AHI1: variants seen among roughly 807,000 people sequenced by gnomAD.
AHI1 encodes jouberin.
A neutral mutation model predicts 149.3 loss-of-function variants in AHI1; 123 were observed. That is an observed-to-expected ratio of 0.82 (90% CI 0.71 to 0.96). The LOEUF (loss-of-function observed/expected upper bound fraction) is 0.96. AHI1 is among the 40% of genes least tolerant of loss of function. AHI1 has a pLI of 0.00. For missense variants in AHI1, 1,439 were observed against 1,422.7 expected, an observed-to-expected ratio of 1.01 and a Z score of -0.18; for synonymous variants, 475 against 459.8, an observed-to-expected ratio of 1.03 and a Z score of -0.42.
intron 22 of AHI1, among the ~76,000 whole-genome samples, chr6:135,400,146 C>A (rs76901151): frequency 2.0e-5 from 3 of 151,460 alleles, no homozygotes; most frequent in Admixed American, 1.3e-4. Flanking sequence ...TGGAATGCCA[C>A]GAAAAAATAA....
intron 26 of AHI1, among the ~76,000 whole-genome samples, chr6:135,315,345 T>G (rs1785781531): frequency 6.6e-6 from 1 of 152,188 alleles, no homozygotes; most frequent in African/African-American, 2.4e-5. Flanking sequence ...AGTTCTAGCT[T>G]GGTGACTCCT....
In AHI1 at chr6:135,471,054, C is replaced by G. The variant is rs565918205; in HGVS notation, c.136-3420G>C. Among the ~76,000 whole-genome samples, 8 of 152,126 alleles carry G rather than the reference C, an allele frequency of 5.3e-5. No homozygotes were observed. The East Asian group carries it at 1.5e-3, about 29-fold the overall frequency. On this transcript the variant is annotated intron_variant, in intron 5 of 28. Coordinates refer to ENST00000265602, the MANE Select transcript of AHI1 (RefSeq NM_001134831.2). ...ATGCAAATTTTTGTTTCTACTTTTTCAGTGAGTACCAATAATGTAGCACCA... is the reference window on the plus strand; with the variant it reads ...ATGCAAATTTTTGTTTCTACTTTTTGAGTGAGTACCAATAATGTAGCACCA...
At chr6:135,492,766 G>C in intron 3 of AHI1, 1 of 985,276 alleles carries the variant, frequency 1.0e-6, no homozygotes, top group Non-Finnish European at 1.2e-6. Context: ...CTACAATAGA[G>C]AAGGATAGTA....
chr6:135,488,599 CT>C (rs888692122), intron 5 of AHI1, among the ~76,000 whole-genome samples: 1 of 152,164 alleles, frequency 6.6e-6, no homozygotes, highest in Non-Finnish European at 1.5e-5. Context: ...CAATATCTAT[CT>C]TGCATGATTA....
intron 23 of AHI1, among the ~76,000 whole-genome samples, chr6:135,390,695 G>A (rs1032145379): frequency 6.6e-6 from 1 of 152,086 alleles, no homozygotes; most frequent in Non-Finnish European, 1.5e-5. Context: ...TCTGATTCTC[G>A]GTTTCACTGT....
intron 26 of AHI1, chr6:135,301,403 A>G: frequency 1.0e-6 from 1 of 983,170 alleles, no homozygotes; most frequent in Non-Finnish European, 1.2e-6. Context: ...GAAAAGGAAT[A>G]CAACCTTCTC....
chr6:135,456,356 C>G (rs541224282), intron 9 of AHI1, among the ~76,000 whole-genome samples: 1 of 152,018 alleles, frequency 6.6e-6, no homozygotes, highest in South Asian at 2.1e-4. Flanking sequence ...GCCTGGGTAA[C>G]ATGATGAAAC....
chr6:135,362,936 G>A (rs1002448776), intron 23 of AHI1, among the ~76,000 whole-genome samples: 1 of 151,756 alleles, frequency 6.6e-6, no homozygotes. Context: ...CTTTGCCTAA[G>A]CCAATGTCTA....
chr6:135,443,669 C>T (rs1786687857), intron 13 of AHI1, among the ~76,000 whole-genome samples: 1 of 152,084 alleles, frequency 6.6e-6, no homozygotes, highest in African/African-American at 2.4e-5. Context: ...ACAAATAGTA[C>T]CAAGATCTAG....
intron 28 of AHI1, among the ~76,000 whole-genome samples, chr6:135,289,823 G>T (rs1782117675): frequency 6.6e-6 from 1 of 152,124 alleles, no homozygotes; most frequent in African/African-American, 2.4e-5. Flanking sequence ...GACATGAACA[G>T]CTTCGTAACA....
intron 23 of AHI1, among the ~76,000 whole-genome samples, chr6:135,364,222 T>G (rs1240372700): frequency 2.9e-5 from 4 of 137,912 alleles, no homozygotes; most frequent in East Asian, 2.3e-4. Flanking sequence ...AGACGGGGCG[T>G]CCGGGCAGAG....
intron 11 of AHI1, 51 bp downstream of exon 11, chr6:135,453,290 A>G: frequency 1.0e-5 from 14 of 1,389,508 alleles, no homozygotes; most frequent in Non-Finnish European, 1.4e-5. Flanking sequence ...AAAGCAGCCA[A>G]CTAAATTTGA....
intron 11 of AHI1, among the ~76,000 whole-genome samples, chr6:135,449,121 A>C (rs1787705330): frequency 6.6e-6 from 1 of 152,072 alleles, no homozygotes; most frequent in Non-Finnish European, 1.5e-5. Context: ...ATCTTGGCTC[A>C]CTGCAATTTC....
intron 22 of AHI1, among the ~76,000 whole-genome samples, chr6:135,398,797 TTA>T (rs1416070415): frequency 3.9e-5 from 6 of 152,194 alleles, no homozygotes; most frequent in Admixed American, 2.6e-4. Flanking sequence ...CCACCTATCC[TTA>T]TGTCTTTACT....
chr6:135,496,724 A>G (rs983392161), intron 2 of AHI1, among the ~76,000 whole-genome samples: 2 of 152,226 alleles, frequency 1.3e-5, no homozygotes, highest in African/African-American at 4.8e-5. Flanking sequence ...CTCCTTAACC[A>G]AATGTTATCG....
chr6:135,333,902 A>C (rs1254334992), intron 24 of AHI1, among the ~76,000 whole-genome samples: 1 of 152,242 alleles, frequency 6.6e-6, no homozygotes, highest in Non-Finnish European at 1.5e-5. Context: ...CATAGATTTT[A>C]AGGTAAATTG....
intron 23 of AHI1, among the ~76,000 whole-genome samples, chr6:135,363,815 G>C (rs1794366045): frequency 6.7e-6 from 1 of 148,844 alleles, no homozygotes; most frequent in South Asian, 2.1e-4. Flanking sequence ...GGGCAGAGGG[G>C]CTCCTCACTT....
Position 135,290,470 on chromosome 6 carries a change from G to T in AHI1, c.3541C>A (p.Arg1181=), listed in dbSNP as rs753932826. 6.2e-7 allele frequency: 1 copy of T among 1,612,998 alleles called. No individual in the cohort carries two copies. The highest frequency in any genetic ancestry group is 8.5e-7 in the Non-Finnish European group (1 of 1,179,198). Residue 1181 remains arginine (R), a synonymous_variant, in exon 28 of 29, where the codon CGG becomes AGG. Coordinates refer to ENST00000265602, the MANE Select transcript of AHI1 (RefSeq NM_001134831.2). The part of the protein sequence containing the change: ...HEDQGHIMDT[R]MRKNKQAGRK... Reference sequence around the variant, plus strand: ...CCTGCTTGCTTGTTCTTCCTCATCCGTGTATCCATTATGTGTCCTTGGTCC... The same window carrying T: ...CCTGCTTGCTTGTTCTTCCTCATCCTTGTATCCATTATGTGTCCTTGGTCC...
At chr6:135,477,099 GGTGT>G (rs1792792482) in intron 5 of AHI1, among the ~76,000 whole-genome samples, 1 of 150,692 alleles carries the variant, frequency 6.6e-6, no homozygotes, top group Admixed American at 6.6e-5. Flanking sequence ...GGAGTGCAGT[GGTGT>G]GATCTCGGCT....
Sources: gnomAD v4.1 joint callset for allele counts (sites outside exome capture counted in the v4.1 genomes callset) on GRCh38, gnomAD v4.1.1 for gene constraint, MANE v1.5 for transcripts, NCBI Gene and HGNC (gene_info 2026-07-23, HGNC 2026-07-21) for gene names.